PCDHA5: variants seen among roughly 807,000 people sequenced by gnomAD.
The protein encoded by PCDHA5 is protocadherin alpha 5.
PCDHA5 carries 43 observed loss-of-function variants against 61.6 expected under a neutral mutation model. The ratio of observed to expected loss-of-function variants is 0.70; its 90% CI spans 0.55 to 0.90. PCDHA5 has a LOEUF of 0.90. Ranked by LOEUF, PCDHA5 falls within the 40% of genes least tolerant of loss-of-function variation. PCDHA5 has a pLI of 0.00. For missense variants in PCDHA5, 1,298 were observed against 1,222.7 expected (o/e 1.06, Z -0.92); for synonymous variants, 627 against 543.9 (o/e 1.15, Z -2.13).
In PCDHA5 at chr5:140,830,164, G is replaced by T. The variant is rs2150182305; in HGVS notation, c.2352+6037G>T. The T allele has an allele frequency of 2.7e-5, 44 of 1,613,426 alleles. 1 individual carries two copies. In the South Asian group the frequency reaches 4.6e-4, roughly 17 times the overall value. On this transcript the variant is annotated intron_variant, in intron 1 of 3. Coordinates refer to ENST00000529859, the MANE Select transcript of PCDHA5 (RefSeq NM_018908.3). ...CGGTGGGCGCCGCGGGCCCAGAGGC[G>T]GCGCTGGTGGATGTCAACGTGTACC...
chr5:140,955,641 A>G (rs173471), intron 1 of PCDHA5, among the ~76,000 whole-genome samples: 85,644 of 151,978 alleles, frequency 0.56, 24,753 homozygotes, highest in African/African-American at 0.69. Flanking sequence ...TGTGAGAACA[A>G]ATTAATACAC....
intron 1 of PCDHA5, chr5:140,825,426 T>C (rs1234497621): frequency 6.8e-6 from 1 of 147,558 alleles, no homozygotes; most frequent in Non-Finnish European, 1.5e-5. Flanking sequence ...ATATATATAA[T>C]AAATATATAA....
chr5:140,946,806 T>A (rs965284033), intron 1 of PCDHA5, among the ~76,000 whole-genome samples: 20 of 151,184 alleles, frequency 1.3e-4, no homozygotes, highest in African/African-American at 4.6e-4. Context: ...GCAGAGAGTA[T>A]AACAGTGATT....
intron 1 of PCDHA5, chr5:140,968,410 T>G: frequency 6.2e-7 from 1 of 1,614,040 alleles, no homozygotes. Context: ...TCTTTGTGAC[T>G]GTGGAGGCTC....
chr5:140,897,877 C>T (rs1554187641), intron 1 of PCDHA5, among the ~76,000 whole-genome samples: 1 of 152,154 alleles, frequency 6.6e-6, no homozygotes, highest in Non-Finnish European at 1.5e-5. Flanking sequence ...TAATGATTGC[C>T]ATTCTAACTG....
At chr5:140,829,444 T>G (rs1554131961) in intron 1 of PCDHA5, 1 of 1,613,940 alleles carries the variant, frequency 6.2e-7, no homozygotes, top group Non-Finnish European at 8.5e-7. Context: ...TGAATGACAA[T>G]GCTCCGGCGT....
At position 140,877,386 on chromosome 5, in the gene PCDHA5, T is replaced by G. The variant is rs782310487; in HGVS notation, c.2352+53259T>G. 5 of 1,613,816 alleles carry G rather than the reference T, an allele frequency of 3.1e-6. No individual in the cohort carries two copies. In the African/African-American group the frequency reaches 6.7e-5, roughly 22 times the overall value. On this transcript the variant is annotated intron_variant, in intron 1 of 3. Coordinates refer to ENST00000529859, the MANE Select transcript of PCDHA5 (RefSeq NM_018908.3). ...AGATCAGCACGACACGCATCCTGGA[T>G]GAGGCGGACGCTCCGCGCCACCGCC... is the stretch of plus-strand genomic sequence containing the variant.
Position 140,956,847 on chromosome 5 carries a change from T to G in PCDHA5, c.2353-22102T>G, listed in dbSNP as rs138847680. Among the ~76,000 whole-genome samples the G allele has an allele frequency of 1.6e-4, 24 of 152,262 alleles. 1 individual carries two copies. The East Asian group carries it at 4.6e-3, about 29-fold the overall frequency. ...AATTTAATATTTTTAAATCTTGGGT[T>G]AAATGGTTGAATGAATGTGTGAAAA... On this transcript the variant is annotated intron_variant, in intron 1 of 3. Transcript: ENST00000529859.
chr5:140,941,175 C>G (rs1344326389), intron 1 of PCDHA5, among the ~76,000 whole-genome samples: 1 of 145,416 alleles, frequency 6.9e-6, no homozygotes, highest in Admixed American at 6.8e-5. Flanking sequence ...CCATCTTGAA[C>G]ATCCTGCTTC....
intron 1 of PCDHA5, chr5:140,928,452 G>C: frequency 6.2e-7 from 1 of 1,614,126 alleles, no homozygotes; most frequent in Non-Finnish European, 8.5e-7. Context: ...AGCTCAGGGG[G>C]TTTCATTTCC....
intron 1 of PCDHA5, among the ~76,000 whole-genome samples, chr5:140,884,876 C>A (rs1554181909): frequency 6.6e-6 from 1 of 152,096 alleles, no homozygotes; most frequent in African/African-American, 2.4e-5. Context: ...ATGAAATGTG[C>A]AAAACAAGAA....
chr5:140,969,257 A>G, intron 1 of PCDHA5: 1 of 1,614,220 alleles, frequency 6.2e-7, no homozygotes, highest in Non-Finnish European at 8.5e-7. Context: ...TGACAGCAGG[A>G]ATCTCACAGG....
At chr5:140,875,888 A>G (rs782107591) in intron 1 of PCDHA5, 3 of 1,614,076 alleles carry the variant, frequency 1.9e-6, no homozygotes, top group Non-Finnish European at 2.5e-6. Context: ...AGGGAACAAA[A>G]GGTACCTGTT....
chr5:140,866,915 A>T (rs1413291718), intron 1 of PCDHA5: 1 of 152,138 alleles, frequency 6.6e-6, no homozygotes, highest in African/African-American at 2.4e-5. Flanking sequence ...CTCAAAGATG[A>T]GTTCAAAGGG....
intron 1 of PCDHA5, among the ~76,000 whole-genome samples, chr5:140,921,878 A>C (rs2153562324): frequency 6.6e-6 from 1 of 152,204 alleles, no homozygotes; most frequent in South Asian, 2.1e-4. Context: ...TATATATATA[A>C]GATTTTAGAA....
At chr5:140,906,933 G>A (rs1214323970) in intron 1 of PCDHA5, among the ~76,000 whole-genome samples, 2 of 152,158 alleles carry the variant, frequency 1.3e-5, no homozygotes, top group African/African-American at 4.8e-5. Flanking sequence ...GTGTCCCGGT[G>A]TCAATCTTAA....
At chr5:140,840,282 G>A (rs1294599981) in intron 1 of PCDHA5, among the ~76,000 whole-genome samples, 2 of 151,906 alleles carry the variant, frequency 1.3e-5, no homozygotes, top group Non-Finnish European at 2.9e-5. Flanking sequence ...TGGGTTTTGG[G>A]TGATTATTGA....
intron 1 of PCDHA5, among the ~76,000 whole-genome samples, chr5:140,925,561 G>A (rs972926230): frequency 6.6e-6 from 1 of 151,674 alleles, no homozygotes; most frequent in African/African-American, 2.4e-5. Flanking sequence ...ACAAGTTAAT[G>A]GGTGCAGCAC....
chr5:140,966,860 T>A, intron 1 of PCDHA5: 1 of 1,577,482 alleles, frequency 6.3e-7, no homozygotes, highest in Middle Eastern at 1.7e-4. Flanking sequence ...CCTGCTGCTG[T>A]TGCTGCTGCT....
Sources: allele counts gnomAD v4.1 joint callset (sites outside exome capture counted in the v4.1 genomes callset), GRCh38; gene constraint gnomAD v4.1.1; transcripts MANE v1.5; gene names NCBI Gene and HGNC (gene_info 2026-07-23, HGNC 2026-07-21).